The following PTPRG variants were observed in gnomAD, a reference collection of about 807,000 sequenced individuals.
PTPRG encodes the protein receptor-type tyrosine-protein phosphatase gamma.
PTPRG carries 102 observed loss-of-function variants against 165.3 expected under a neutral mutation model. The observed-to-expected ratio is 0.62, with a 90% CI of 0.53 to 0.73. PTPRG has a LOEUF of 0.73. Among genes scored for constraint, PTPRG ranks in the 30% least tolerant of loss-of-function variants. The pLI is 0.00. For synonymous variants in PTPRG, 675 were observed against 669.5 expected (o/e 1.01, Z -0.13); for missense variants, 1,866 against 1,861.4 (o/e 1.00, Z -0.05).
intron 1 of PTPRG, among the ~76,000 whole-genome samples, chr3:61,672,117 C>A (rs1049305673): frequency 7.0e-6 from 1 of 143,238 alleles, no homozygotes; most frequent in Non-Finnish European, 1.5e-5. Flanking sequence ...ACATCTCAGA[C>A]GATGGGCGGC....
chr3:61,792,663 G>C (rs1330475872), intron 2 of PTPRG, among the ~76,000 whole-genome samples: 1 of 150,322 alleles, frequency 6.7e-6, no homozygotes, highest in African/African-American at 2.5e-5. Context: ...TAACTTTTTT[G>C]TGGGTTTTCT....
chr3:61,887,170 A>ATATATATTTT lies in PTPRG; in HGVS notation c.191-102454_191-102453insATATATTTTT, dbSNP rs60282456. ...TATATATATATATATATATATATAT[A>ATATATATTTT]TTTTTAATGCCATCATCAAACACTC... On this transcript the variant is annotated intron_variant, in intron 2 of 29. Transcript: ENST00000474889. 2.3e-4 allele frequency among the ~76,000 whole-genome samples: 26 copies of ATATATATTTT among 115,532 alleles called. 2 individuals carry two copies. The East Asian group carries it at 5.0e-3, about 22-fold the overall frequency. The allele number at this position is 115,532 out of a possible 152,430, so 75.8% of individuals were successfully genotyped here. A position where few individuals can be genotyped will look rare whatever the true frequency, so the allele number is the denominator to read the frequency against.
chr3:62,265,896 T>TATATACACACACAC lies in PTPRG; in HGVS notation c.2657-1513_2657-1512insTATACACACACACA, dbSNP rs1553662684. Among the ~76,000 whole-genome samples, 162 of 130,608 alleles carry TATATACACACACAC rather than the reference T, an allele frequency of 1.2e-3. 1 individual carries two copies. Among genetic ancestry groups the TATATACACACACAC allele is most frequent in the African/African-American group, 3.4e-3 (118 of 34,438 alleles). 85.7% of individuals were successfully genotyped at this position (130,608 alleles called of 152,430 possible). On this transcript the variant is annotated intron_variant, in intron 17 of 29. Transcript: ENST00000474889. ...CACACGTATACATCTGTGCCTTATA[T>TATATACACACACAC]ACACACACACACACACACACACACA...
intron 5 of PTPRG, among the ~76,000 whole-genome samples, chr3:62,099,467 T>C (rs1702216375): frequency 6.6e-6 from 1 of 152,054 alleles, no homozygotes; most frequent in Non-Finnish European, 1.5e-5. Context: ...AAAACACAAA[T>C]GCCCAACATT....
At chr3:61,754,520 T>C (rs918885684) in intron 2 of PTPRG, among the ~76,000 whole-genome samples, 5 of 152,216 alleles carry the variant, frequency 3.3e-5, no homozygotes, top group Non-Finnish European at 5.9e-5. Context: ...AATTCCTTGT[T>C]TCTCCTGCAG....
Position 62,030,747 on chromosome 3 carries a change from G to GAT in PTPRG, c.519+27253_519+27254dup, listed in dbSNP as rs1699741655. Among the ~76,000 whole-genome samples, 6 of 152,278 alleles carry GAT rather than the reference G, an allele frequency of 3.9e-5. No individual in the cohort carries two copies. The South Asian group carries it at 1.2e-3, about 32-fold the overall frequency. On this transcript the variant is annotated intron_variant, in intron 4 of 29. Transcript: ENST00000474889. Reference sequence around the variant, plus strand: ...ATGCTGAATTGCAGACAAGTCTGAGGATATGTGAGTCTCTATAATGGAATT... The same window carrying GAT: ...ATGCTGAATTGCAGACAAGTCTGAGGATATATGTGAGTCTCTATAATGGAATT...
intron 2 of PTPRG, among the ~76,000 whole-genome samples, chr3:61,813,527 A>AG (rs1376105638): frequency 6.4e-5 from 9 of 141,226 alleles, no homozygotes; most frequent in African/African-American, 2.1e-4. Context: ...AAAAAAAAAA[A>AG]AAGAAAAAAG....
At chr3:61,588,345 T>C (rs1700485852) in intron 1 of PTPRG, among the ~76,000 whole-genome samples, 1 of 152,164 alleles carries the variant, frequency 6.6e-6, no homozygotes, top group Non-Finnish European at 1.5e-5. Context: ...GTTATATCTA[T>C]CATAAAACAT....
chr3:62,150,208 G>T (rs1704278962), intron 6 of PTPRG, among the ~76,000 whole-genome samples: 1 of 152,216 alleles, frequency 6.6e-6, no homozygotes, highest in Admixed American at 6.5e-5. Context: ...ATGGAGTAAT[G>T]AAGAAATGTT....
chr3:61,568,347 A>T (rs1026986957), intron 1 of PTPRG, among the ~76,000 whole-genome samples: 5 of 152,238 alleles, frequency 3.3e-5, no homozygotes, highest in African/African-American at 1.2e-4. Context: ...GATGTAGAAC[A>T]GATAAATTTG....
chr3:61,747,562 A>T (rs777676108), intron 1 of PTPRG, among the ~76,000 whole-genome samples: 1 of 152,156 alleles, frequency 6.6e-6, no homozygotes, highest in Non-Finnish European at 1.5e-5. Context: ...GTGGAATACT[A>T]TTGTTCAAGC....
chr3:62,250,950 A>G (rs1258385872), intron 15 of PTPRG, among the ~76,000 whole-genome samples: 1 of 152,228 alleles, frequency 6.6e-6, no homozygotes, highest in South Asian at 2.1e-4. Flanking sequence ...ACTTAAGGGT[A>G]AATAATAATA....
intron 1 of PTPRG, among the ~76,000 whole-genome samples, chr3:61,609,214 A>G (rs1159387683): frequency 1.9e-4 from 29 of 152,100 alleles, no homozygotes; most frequent in Admixed American, 1.9e-3. Context: ...ATCCCTCTAT[A>G]CCTTGCTGTG....
intron 2 of PTPRG, among the ~76,000 whole-genome samples, chr3:61,941,669 A>G (rs1329106834): frequency 6.6e-6 from 1 of 152,132 alleles, no homozygotes; most frequent in Admixed American, 6.5e-5. Context: ...GCCATAAAAT[A>G]TGACATTTTG....
At chr3:61,629,953 C>T (rs796810307) in intron 1 of PTPRG, among the ~76,000 whole-genome samples, 5 of 152,236 alleles carry the variant, frequency 3.3e-5, no homozygotes, top group African/African-American at 1.2e-4. Context: ...AATGTTTGTT[C>T]AACAGAAGGT....
intron 1 of PTPRG, among the ~76,000 whole-genome samples, chr3:61,713,251 C>T (rs2031652172): frequency 1.3e-5 from 2 of 151,470 alleles, no homozygotes; most frequent in Admixed American, 1.3e-4. Flanking sequence ...ACCTCCAGCT[C>T]CCTGGTTCAA....
intron 1 of PTPRG, among the ~76,000 whole-genome samples, chr3:61,665,503 C>CACACACACAG (rs1277333524): frequency 6.6e-6 from 1 of 151,298 alleles, no homozygotes; most frequent in Admixed American, 6.6e-5. Flanking sequence ...CACACACACA[C>CACACACACAG]AGGCACAAAT....
chr3:61,908,948 C>T (rs1450323347), intron 2 of PTPRG, among the ~76,000 whole-genome samples: 1 of 152,136 alleles, frequency 6.6e-6, no homozygotes, highest in Admixed American at 6.5e-5. Flanking sequence ...CCTACTGTTC[C>T]TTTCACTGAC....
At chr3:61,996,088 G>A (rs1168004483) in intron 3 of PTPRG, among the ~76,000 whole-genome samples, 11 of 152,016 alleles carry the variant, frequency 7.2e-5, no homozygotes. Flanking sequence ...CTTAGAGCTG[G>A]CCATAGAAGA....
Sources: allele counts gnomAD v4.1 joint callset (sites outside exome capture counted in the v4.1 genomes callset), GRCh38; gene constraint gnomAD v4.1.1; transcripts MANE v1.5; gene names NCBI Gene and HGNC (gene_info 2026-07-23, HGNC 2026-07-21).